Variants in CNOT11 observed in about 807,000 individuals in gnomAD.
CNOT11 encodes the protein UPF0760 protein C2orf29.
A neutral mutation model predicts 44.6 loss-of-function variants in CNOT11; 18 were observed. The observed-to-expected ratio is 0.40, with a 90% CI of 0.28 to 0.60. The LOEUF (loss-of-function observed/expected upper bound fraction) is 0.60. Ranked by LOEUF, CNOT11 falls within the 20% of genes least tolerant of loss-of-function variation. The probability of loss-of-function intolerance (pLI) is 0.38; values close to 1 mark genes in which losing one functional copy is unlikely to be tolerated. For missense variants in CNOT11, 513 were observed against 677.0 expected (o/e 0.76, Z 2.69); for synonymous variants, 291 against 270.9 (o/e 1.07, Z -0.73).
intron 4 of CNOT11, among the ~76,000 whole-genome samples, chr2:101,266,185 A>T (rs897693473): frequency 1.3e-5 from 2 of 152,220 alleles, no homozygotes; most frequent in African/African-American, 2.4e-5. Context: ...GATGACTCGC[A>T]GCAGGTCAGC....
At chr2:101,256,278 A>G (rs530679584) in intron 1 of CNOT11, among the ~76,000 whole-genome samples, 8 of 152,072 alleles carry the variant, frequency 5.3e-5, no homozygotes, top group Non-Finnish European at 1.0e-4. Context: ...TGGTGTAGAA[A>G]TCTGGGTTTA....
intron 2 of CNOT11, among the ~76,000 whole-genome samples, chr2:101,259,476 TGAAG>T (rs1057363699): frequency 2.0e-5 from 3 of 152,242 alleles, no homozygotes; most frequent in Non-Finnish European, 2.9e-5. Flanking sequence ...CTCTGAGTTC[TGAAG>T]GAGTAGAGGA....
rs187686112 is a variant in CNOT11 at position 101,257,699 on chromosome 2, G to T, written c.515-92G>T. On this transcript the variant is annotated intron_variant, in intron 1 of 6. Coordinates refer to ENST00000289382, the MANE Select transcript of CNOT11 (RefSeq NM_017546.5). ...TTTAGTTCTTAAAACTATGTGGCTT[G>T]AAGTGGCAAGTAGCAAGTACTGATT... is the stretch of plus-strand genomic sequence containing the variant. 98 of 984,348 alleles carry T rather than the reference G, an allele frequency of 1.0e-4. 1 individual carries two copies. In the African/African-American group the frequency reaches 1.4e-3, roughly 14 times the overall value. 61.0% of individuals were successfully genotyped at this position (984,348 alleles called of 1,614,324 possible). A position where few individuals can be genotyped will look rare whatever the true frequency, so the allele number is the denominator to read the frequency against.
chr2:101,268,690 T>C (rs1682046563), intron 5 of CNOT11, among the ~76,000 whole-genome samples: 1 of 152,238 alleles, frequency 6.6e-6, no homozygotes, highest in Admixed American at 6.5e-5. Context: ...GTTTTTCTCA[T>C]TAAAACATTC....
chr2:101,257,555 C>T (rs1321733816), intron 1 of CNOT11, among the ~76,000 whole-genome samples: 1 of 152,092 alleles, frequency 6.6e-6, no homozygotes, highest in African/African-American at 2.4e-5. Flanking sequence ...TTAACTCTTA[C>T]AGTTAACAAG....
chr2:101,255,292 G>A (rs1365462651), intron 1 of CNOT11, among the ~76,000 whole-genome samples: 2 of 151,658 alleles, frequency 1.3e-5, no homozygotes, highest in Non-Finnish European at 2.9e-5. Context: ...TCAGGAGATC[G>A]AGACCATCTT....
Position 101,253,135 on chromosome 2 carries a change from C to G in CNOT11, c.171C>G (p.Pro57=), listed in dbSNP as rs1019536208. The G allele has an allele frequency of 1.3e-6, 2 of 1,551,376 alleles. No individual in the cohort carries two copies. The highest frequency in any genetic ancestry group is 2.9e-5 in the African/African-American group (2 of 69,990). The change falls in exon 1 of 7, where the codon CCC becomes CCG. Residue 57 remains proline (P), a synonymous_variant. Coordinates refer to ENST00000289382, the MANE Select transcript of CNOT11 (RefSeq NM_017546.5). This position sits in a 1 kb window ranked among gnomAD's most constrained non-coding sequence, Gnocchi z 4.3. ...CCGGGAGCGGAGGCCCGGGGGGCCC[C>G]GCGGGCAGGATGAGCTTGACCCCGA... ...PGSGSGGPGG[P]AGRMSLTPKE...
In CNOT11 at chr2:101,264,854, G is replaced by A; in HGVS notation, c.842G>A (p.Arg281Gln). The A allele has an allele frequency of 6.2e-7, 1 of 1,613,782 alleles. No homozygotes were observed. Among genetic ancestry groups the A allele is most frequent in the Non-Finnish European group, 8.5e-7 (1 of 1,179,910 alleles). The change falls in exon 4 of 7, where the codon CGA becomes CAA. Residue 281 changes from arginine to glutamine, a missense_variant. This residue lies in a region of CNOT11 where 140 missense variants were observed against 169.8 expected (regional missense o/e 0.82). Transcript: ENST00000289382. The stretch of plus-strand genomic sequence containing the variant: ...ACGGCTCTCATTACAGGCCATTTTC[G>A]ACCAGAGTTTATTCGTCCACCGCCT... ...GPKPPIESHF[R>Q]PEFIRPPPPL...
At chr2:101,268,575 T>C (rs970244649) in intron 5 of CNOT11, among the ~76,000 whole-genome samples, 4 of 152,160 alleles carry the variant, frequency 2.6e-5, no homozygotes, top group Non-Finnish European at 4.4e-5. Context: ...TCATGCCTTA[T>C]TGAAAAAAGT....
chr2:101,258,552 T>TTTTTAAG (rs1681784656), intron 2 of CNOT11, among the ~76,000 whole-genome samples: 1 of 152,138 alleles, frequency 6.6e-6, no homozygotes, highest in Non-Finnish European at 1.5e-5. Context: ...AGTGGGTTTT[T>TTTTTAAG]TTTTAAGTTT....
rs1681949902 is a variant in CNOT11 at position 101,265,000 on chromosome 2, A to G, written c.988A>G (p.Met330Val). The change falls in exon 4 of 7, where the codon ATG (methionine) becomes GTG (valine). Residue 330 changes from methionine to valine, a missense_variant. By Grantham distance (21) the Met-to-Val change is conservative. Around this residue, in one of 4 missense-constraint regions of CNOT11, gnomAD observed 140 missense variants for 169.8 expected, o/e 0.82. Transcript: ENST00000289382. ...NSTGVEIKRI[M>V]AKAFKSPLSS... ...CACTGGTGTGGAGATCAAACGAATA[A>G]TGGCCAAAGCCTTCAAAAGCCCCTT... is the stretch of plus-strand genomic sequence containing the variant. 6.2e-7 allele frequency: 1 copy of G among 1,614,202 alleles called. No homozygotes were observed.
intron 4 of CNOT11, 36 bp downstream of exon 4, chr2:101,265,083 TTTTA>T (rs766969005): frequency 1.4e-6 from 2 of 1,387,716 alleles, no homozygotes; most frequent in Non-Finnish European, 1.9e-6. Context: ...TTATCTTTTT[TTTTA>T]AATTTATTTT....
Position 101,264,233 on chromosome 2 carries a change from A to T in CNOT11, c.833-612A>T, listed in dbSNP as rs17189501. Among the ~76,000 whole-genome samples, 991 of 152,326 alleles carry T rather than the reference A, an allele frequency of 6.5e-3. 4 individuals are homozygous for T. Among genetic ancestry groups the T allele is most frequent in the South Asian group, 0.015 (73 of 4,832 alleles). On this transcript the variant is annotated intron_variant, in intron 3 of 6. Coordinates refer to ENST00000289382, the MANE Select transcript of CNOT11 (RefSeq NM_017546.5). The stretch of plus-strand genomic sequence containing the variant: ...TGAATCTTGTTTTATAAAATAGTTG[A>T]GTTGAACCACTTCATTTTCCTTTTG...
intron 5 of CNOT11, among the ~76,000 whole-genome samples, chr2:101,268,759 A>G (rs1290707324): frequency 1.3e-5 from 2 of 152,246 alleles, no homozygotes; most frequent in Non-Finnish European, 2.9e-5. Context: ...AATTCCAATA[A>G]CAGACCATGA....
rs1682063395 is a variant in CNOT11, at chr2:101,269,531, A to G, written c.*118A>G. On this transcript the variant is annotated 3_prime_UTR_variant, in exon 7 of 7. Coordinates refer to ENST00000289382, the MANE Select transcript of CNOT11 (RefSeq NM_017546.5). The surrounding 1 kb of genome is among the most constrained non-coding windows in gnomAD (Gnocchi z 4.8). The stretch of plus-strand genomic sequence containing the variant: ...AATGCATATAAACAGTACTTTATCT[A>G]CTTAAAGCAAAGTTTTGCTTTCTTG... 1.3e-6 allele frequency: 1 copy of G among 777,568 alleles called. No individual in the cohort carries two copies. The highest frequency in any genetic ancestry group is 1.8e-5 in the African/African-American group (1 of 57,060). 48.2% of individuals were successfully genotyped at this position (777,568 alleles called of 1,614,324 possible). A position where few individuals can be genotyped will look rare whatever the true frequency, so the allele number is the denominator to read the frequency against.
rs781664229 is a variant in CNOT11 at position 101,264,953 on chromosome 2, A to C, written c.941A>C (p.Lys314Thr). ...TEPDHAIQWDKSMCVKNSTGV... is the reference protein window; with the variant it reads ...TEPDHAIQWDTSMCVKNSTGV... ...CCTGACCACGCGATCCAGTGGGATAAATCGATGTGTGTTAAGAATAGCACT... is the reference window on the plus strand; with the variant it reads ...CCTGACCACGCGATCCAGTGGGATACATCGATGTGTGTTAAGAATAGCACT... Residue 314 changes from lysine (K) to threonine (T), a missense_variant, in exon 4 of 7, where the codon AAA (lysine) becomes ACA (threonine). Lys to Thr is a moderately conservative substitution (Grantham distance 78). This residue lies in a region of CNOT11 where 140 missense variants were observed against 169.8 expected (regional missense o/e 0.82). Transcript: ENST00000289382. 28 of 1,613,988 alleles carry C rather than the reference A, an allele frequency of 1.7e-5. 1 individual carries two copies. The highest frequency in any genetic ancestry group is 3.3e-4 in the Middle Eastern group (2 of 6,084).
chr2:101,254,267 A>C (rs1359035473), intron 1 of CNOT11, among the ~76,000 whole-genome samples: 1 of 152,202 alleles, frequency 6.6e-6, no homozygotes, highest in African/African-American at 2.4e-5. Context: ...GAGGAAGCAC[A>C]CAGAGATAGG....
At chr2:101,267,932 T>C (rs1438677475) in intron 5 of CNOT11, among the ~76,000 whole-genome samples, 1 of 152,148 alleles carries the variant, frequency 6.6e-6, no homozygotes, top group Non-Finnish European at 1.5e-5. Context: ...AGAGCATAGT[T>C]TTTGAACACC....
intron 1 of CNOT11, among the ~76,000 whole-genome samples, chr2:101,257,197 A>G (rs982959285): frequency 1.3e-5 from 2 of 152,034 alleles, no homozygotes; most frequent in Non-Finnish European, 2.9e-5. Flanking sequence ...GTTCAAGACC[A>G]GCCTGGCCAA....
Sources: gnomAD v4.1 joint callset for allele counts (sites outside exome capture counted in the v4.1 genomes callset) on GRCh38, gnomAD v4.1.1 for gene constraint, gnomAD v4.1.1 regional missense constraint, Gnocchi (gnomAD v3.1) non-coding constraint, MANE v1.5 for transcripts, NCBI Gene and HGNC (gene_info 2026-07-23, HGNC 2026-07-21) for gene names.